NDUFAF2: variants seen among roughly 807,000 people sequenced by gnomAD.
The protein encoded by NDUFAF2 is NADH dehydrogenase [ubiquinone] 1 alpha subcomplex assembly factor 2.
NDUFAF2 carries 13 observed loss-of-function variants against 22.8 expected under a neutral mutation model. The ratio of observed to expected loss-of-function variants is 0.57; its 90% CI spans 0.37 to 0.91. The LOEUF (loss-of-function observed/expected upper bound fraction) is 0.91, where lower values mean the gene tolerates loss of function less well. NDUFAF2 is among the 40% of genes least tolerant of loss of function. The pLI, the probability that NDUFAF2 is intolerant of heterozygous loss-of-function variation, is 0.01. For missense variants in NDUFAF2, 162 were observed against 195.2 expected (o/e 0.83, Z 1.01); for synonymous variants, 53 against 64.2 (o/e 0.83, Z 0.84).
chr5:61,152,654 T>A (rs994756778), intron 3 of NDUFAF2, 50 bp from the exon 4 acceptor site: 1 of 1,343,278 alleles, frequency 7.4e-7, no homozygotes, highest in Non-Finnish European at 1.0e-6. Flanking sequence ...TTATAAAAAC[T>A]TTTTTTAACT....
chr5:61,018,094 C>T (rs139244947), intron 1 of NDUFAF2, among the ~76,000 whole-genome samples: 142 of 152,252 alleles, frequency 9.3e-4, no homozygotes, highest in African/African-American at 3.3e-3. Context: ...GTAGTAAATA[C>T]TTAAAACTCA....
At chr5:60,986,228 G>C (rs1751073810) in intron 1 of NDUFAF2, among the ~76,000 whole-genome samples, 1 of 152,170 alleles carries the variant, frequency 6.6e-6, no homozygotes, top group African/African-American at 2.4e-5. Flanking sequence ...CAATAGCTAA[G>C]ATTTGGAAGC....
chr5:60,950,582 G>A (rs158914), intron 1 of NDUFAF2, among the ~76,000 whole-genome samples: 102,050 of 151,274 alleles, frequency 0.67, 34,720 homozygotes, highest in East Asian at 0.94. Flanking sequence ...TTTGCTGAGC[G>A]CTTTCTCTTA....
intron 1 of NDUFAF2, among the ~76,000 whole-genome samples, chr5:60,961,952 CTCTT>C (rs879759889): frequency 6.0e-5 from 9 of 150,756 alleles, no homozygotes; most frequent in Non-Finnish European, 1.2e-4. Context: ...CACAGCAAGA[CTCTT>C]TCTCTAAAAA....
chr5:61,135,470 T>C (rs1414023086), intron 3 of NDUFAF2, among the ~76,000 whole-genome samples: 2 of 152,212 alleles, frequency 1.3e-5, no homozygotes, highest in East Asian at 3.8e-4. Context: ...AAACAATTGA[T>C]TGAAACATTC....
At chr5:60,951,670 T>G (rs1485480514) in intron 1 of NDUFAF2, among the ~76,000 whole-genome samples, 2 of 152,168 alleles carry the variant, frequency 1.3e-5, no homozygotes, top group Non-Finnish European at 2.9e-5. Flanking sequence ...TTTTAATGTG[T>G]TTTCTAGGTT....
chr5:61,114,857 C>A (rs543785725), intron 3 of NDUFAF2: 1 of 152,182 alleles, frequency 6.6e-6, no homozygotes, highest in South Asian at 2.1e-4. Context: ...GATTACCAGG[C>A]AAAGGCTCTT....
intron 3 of NDUFAF2, among the ~76,000 whole-genome samples, chr5:61,151,391 C>G (rs886556729): frequency 6.6e-6 from 1 of 151,412 alleles, no homozygotes; most frequent in Non-Finnish European, 1.5e-5. Flanking sequence ...ATTCTAATTT[C>G]ACATTACAAA....
At chr5:61,051,445 A>G (rs932222243) in intron 1 of NDUFAF2, among the ~76,000 whole-genome samples, 1 of 152,196 alleles carries the variant, frequency 6.6e-6, no homozygotes, top group Non-Finnish European at 1.5e-5. Context: ...AGAATTGTAT[A>G]TAGCATACAT....
intron 1 of NDUFAF2, among the ~76,000 whole-genome samples, chr5:61,067,876 A>G (rs1046844425): frequency 6.6e-6 from 1 of 151,994 alleles, no homozygotes. Context: ...ATGGTATCTC[A>G]CTGTGGTTTT....
chr5:61,027,869 A>T (rs1380166049), intron 1 of NDUFAF2, among the ~76,000 whole-genome samples: 1 of 151,428 alleles, frequency 6.6e-6, no homozygotes, highest in Non-Finnish European at 1.5e-5. Flanking sequence ...TTTTGTTTTT[A>T]TGTATGAGAT....
chr5:61,103,271 C>A (rs1002474515), intron 3 of NDUFAF2, among the ~76,000 whole-genome samples: 12 of 152,090 alleles, frequency 7.9e-5, no homozygotes, highest in African/African-American at 2.9e-4. Flanking sequence ...CCCTACTCTT[C>A]AAGGAACTCC....
intron 1 of NDUFAF2, among the ~76,000 whole-genome samples, chr5:61,019,010 C>A (rs1231225379): frequency 2.6e-5 from 4 of 152,046 alleles, no homozygotes; most frequent in Non-Finnish European, 5.9e-5. Context: ...TTTTAGAGTT[C>A]TATTACCTTA....
intron 1 of NDUFAF2, among the ~76,000 whole-genome samples, chr5:61,049,417 G>A (rs926083499): frequency 1.3e-5 from 2 of 152,072 alleles, no homozygotes; most frequent in Non-Finnish European, 2.9e-5. Context: ...TACAAAATCT[G>A]TAGTTTGTGA....
chr5:60,996,062 G>A (rs1307169730), intron 1 of NDUFAF2, among the ~76,000 whole-genome samples: 1 of 152,036 alleles, frequency 6.6e-6, no homozygotes, highest in Non-Finnish European at 1.5e-5. Flanking sequence ...TCTGGTCCAG[G>A]GTAGGTCTAA....
At chr5:61,131,363 GT>G (rs1268610715) in intron 3 of NDUFAF2, among the ~76,000 whole-genome samples, 2 of 151,588 alleles carry the variant, frequency 1.3e-5, no homozygotes, top group African/African-American at 2.4e-5. Flanking sequence ...TTTTTGGGGG[GT>G]TTTTTGGTTT....
rs142175252 is a variant in NDUFAF2, at chr5:61,056,460, A to G, written c.128-16665A>G. On this transcript the variant is annotated intron_variant, in intron 1 of 3. Coordinates refer to ENST00000296597, the MANE Select transcript of NDUFAF2 (RefSeq NM_174889.5). ...CTACAGCCTGCCTTTTGGTGCAATC[A>G]CAGCTTATTAGCATATCTTTCTAAC... Among the ~76,000 whole-genome samples, 283 of 152,346 alleles carry G rather than the reference A, an allele frequency of 1.9e-3. 3 individuals are homozygous for G. The highest frequency in any genetic ancestry group is 6.6e-3 in the African/African-American group (275 of 41,586).
At chr5:61,051,746 G>C (rs1752027420) in intron 1 of NDUFAF2, among the ~76,000 whole-genome samples, 1 of 152,138 alleles carries the variant, frequency 6.6e-6, no homozygotes, top group Admixed American at 6.5e-5. Flanking sequence ...TTCCAGAAAG[G>C]ATGTAAGATT....
At position 61,040,300 on chromosome 5, in the gene NDUFAF2, G is replaced by GCGCGCT. The variant is rs1276666903; in HGVS notation, c.128-32823_128-32822insCGCTCG. Among the ~76,000 whole-genome samples, 1,013 of 149,144 alleles carry GCGCGCT rather than the reference G, an allele frequency of 6.8e-3. 5 individuals are homozygous for GCGCGCT. The highest frequency in any genetic ancestry group is 0.01 in the Admixed American group (155 of 14,970). On this transcript the variant is annotated intron_variant, in intron 1 of 3. Transcript: ENST00000296597. Reference sequence around the variant, plus strand: ...CACACACACACACGCGCGCGCGCGCGCGAAAGTTGAAAGCAGAGATTGGAG... The same window carrying GCGCGCT: ...CACACACACACACGCGCGCGCGCGCGCGCGCTCGAAAGTTGAAAGCAGAGATTGGAG...
Sources: gnomAD v4.1 joint callset for allele counts (sites outside exome capture counted in the v4.1 genomes callset) on GRCh38, gnomAD v4.1.1 for gene constraint, MANE v1.5 for transcripts, NCBI Gene and HGNC (gene_info 2026-07-23, HGNC 2026-07-21) for gene names.